The following ABLIM2 variants were observed in gnomAD, a reference collection of about 807,000 sequenced individuals.
ABLIM2 encodes actin binding LIM protein family member 2.
Under a neutral mutation model 97.7 loss-of-function variants are expected in ABLIM2, and 53 were observed. The ratio of observed to expected loss-of-function variants is 0.54; its 90% CI spans 0.44 to 0.68. The LOEUF (loss-of-function observed/expected upper bound fraction) is 0.68, where lower values mean the gene tolerates loss of function less well. ABLIM2 is among the 30% of genes least tolerant of loss of function. The probability of loss-of-function intolerance (pLI) is 0.00; values close to 1 mark genes in which losing one functional copy is unlikely to be tolerated. For synonymous variants in ABLIM2, 361 were observed against 345.8 expected (o/e 1.04, Z -0.49); for missense variants, 835 against 867.2 (o/e 0.96, Z 0.47).
intron 2 of ABLIM2, among the ~76,000 whole-genome samples, chr4:8,105,892 C>A (rs55938764): frequency 6.6e-6 from 1 of 151,986 alleles, no homozygotes. Flanking sequence ...AGACTCGGCA[C>A]AGGCCATCTC....
intron 20 of ABLIM2, among the ~76,000 whole-genome samples, chr4:7,976,197 G>C (rs1210804859): frequency 1.3e-5 from 2 of 152,144 alleles, no homozygotes; most frequent in African/African-American, 4.8e-5. Context: ...AGAGCATCTG[G>C]CTGGGTGTCA....
At position 7,966,976 on chromosome 4, in the gene ABLIM2, C is replaced by G. The variant is rs775384626; in HGVS notation, c.*14G>C. The G allele has an allele frequency of 1.3e-6, 2 of 1,593,038 alleles. No homozygotes were observed. Among genetic ancestry groups the G allele is most frequent in the Non-Finnish European group, 1.7e-6 (2 of 1,167,892 alleles). On this transcript the variant is annotated 3_prime_UTR_variant, in exon 21 of 21. Coordinates refer to ENST00000447017, the MANE Select transcript of ABLIM2 (RefSeq NM_001130083.2). ...CGGCGCCCGGCACACACCAGTGGGG[C>G]AGGCTGGCAGCCGTCAGAACAAAAG... is the stretch of plus-strand genomic sequence containing the variant.
intron 17 of ABLIM2, among the ~76,000 whole-genome samples, chr4:7,991,331 C>T (rs978009684): frequency 2.0e-5 from 3 of 152,250 alleles, no homozygotes; most frequent in African/African-American, 4.8e-5. Flanking sequence ...GTGCTGCTCT[C>T]TCGCTTTCCT....
intron 1 of ABLIM2, among the ~76,000 whole-genome samples, chr4:8,116,750 C>T (rs568690914): frequency 1.7e-4 from 26 of 152,154 alleles, no homozygotes; most frequent in Admixed American, 5.9e-4. Flanking sequence ...GGGGTCTTCA[C>T]TCTCTGGAAG....
intron 1 of ABLIM2, among the ~76,000 whole-genome samples, chr4:8,157,466 A>G (rs1044396858): frequency 2.0e-5 from 3 of 152,060 alleles, no homozygotes; most frequent in Admixed American, 2.0e-4. Context: ...GACCTCCCCA[A>G]CCGCCTGCCA....
chr4:8,077,632 A>G lies in ABLIM2; in HGVS notation c.671T>C (p.Leu224Pro). The stretch of plus-strand genomic sequence containing the variant: ...GGCCCGGCCCGCCGCGCTTACCTCC[A>G]GCACGCGCCCCGTGATGTATTTCTC... ...SCEKYITGRV[L>P]EAGEKHYHPS... The change falls in exon 6 of 21, where the codon CTG becomes CCG. Residue 224 changes from leucine (L) to proline (P), a missense_variant. Physicochemically the swap from Leu to Pro is moderately conservative, Grantham distance 98 (BLOSUM62 -3). Transcript: ENST00000447017. The G allele has an allele frequency of 1.2e-6, 2 of 1,609,778 alleles. No homozygotes were observed. The highest frequency in any genetic ancestry group is 1.7e-6 in the Non-Finnish European group (2 of 1,177,904).
chr4:8,080,668 C>A lies in ABLIM2; in HGVS notation c.581+8G>T. On this transcript the variant is annotated splice_region_variant and intron_variant, in intron 5 of 20. Transcript: ENST00000447017. ...GGAGGCTCTCACTAGAGCCCTCCCC[C>A]CACTTACTTGCTGATGTACTCGGCA... is the stretch of plus-strand genomic sequence containing the variant. 6.3e-7 allele frequency: 1 copy of A among 1,597,330 alleles called. No individual in the cohort carries two copies. The highest frequency in any genetic ancestry group is 1.3e-5 in the African/African-American group (1 of 74,778).
At chr4:8,045,302 G>A (rs1791574983) in intron 8 of ABLIM2, 61 bp from the exon 9 acceptor site, 3 of 1,444,062 alleles carry the variant, frequency 2.1e-6, no homozygotes, top group East Asian at 4.5e-5. Context: ...CTTCAGAGGC[G>A]ACTGTCAGGA....
chr4:8,098,118 C>T (rs1577784006), intron 2 of ABLIM2, among the ~76,000 whole-genome samples: 1 of 152,168 alleles, frequency 6.6e-6, no homozygotes, highest in East Asian at 1.9e-4. Context: ...AGTGCCCAGG[C>T]CATGCATGGT....
chr4:8,109,223 G>A (rs902644410), intron 1 of ABLIM2, among the ~76,000 whole-genome samples: 1 of 152,246 alleles, frequency 6.6e-6, no homozygotes, highest in African/African-American at 2.4e-5. Context: ...AGAGCCAGGG[G>A]TGCTGCAGAT....
rs540017024 is a variant in ABLIM2 at position 7,996,281 on chromosome 4, C to T, written c.1619-3354G>A. ...TTTTTACAAGGCTTCTGGACCATTCCGATGCACACTGGCCTACTGCCTCGA... is the reference window on the plus strand; with the variant it reads ...TTTTTACAAGGCTTCTGGACCATTCTGATGCACACTGGCCTACTGCCTCGA... On this transcript the variant is annotated intron_variant, in intron 16 of 20. Transcript: ENST00000447017. This position sits in a 1 kb window ranked among gnomAD's most constrained non-coding sequence, Gnocchi z 4.5. 2.8e-4 allele frequency among the ~76,000 whole-genome samples: 42 copies of T among 152,294 alleles called. No homozygotes were observed. The highest frequency in any genetic ancestry group is 6.7e-4 in the African/African-American group (28 of 41,568).
chr4:8,104,038 G>A (rs991527152), intron 2 of ABLIM2, among the ~76,000 whole-genome samples: 1 of 152,238 alleles, frequency 6.6e-6, no homozygotes, highest in Non-Finnish European at 1.5e-5. Context: ...CTAATGAAAA[G>A]CATGAAATCC....
In ABLIM2 at chr4:8,002,038, T is replaced by A. The variant is rs1391564975; in HGVS notation, c.1618+6021A>T. 6.6e-6 allele frequency among the ~76,000 whole-genome samples: 1 copy of A among 152,168 alleles called. No individual in the cohort carries two copies. Among genetic ancestry groups the A allele is most frequent in the Admixed American group, 6.5e-5 (1 of 15,278 alleles). On this transcript the variant is annotated intron_variant, in intron 16 of 20. Coordinates refer to ENST00000447017, the MANE Select transcript of ABLIM2 (RefSeq NM_001130083.2). This position sits in a 1 kb window ranked among gnomAD's most constrained non-coding sequence, Gnocchi z 6.1. ...GGGCCAGGCAGGAGATCACACCTGA[T>A]TTGAGTCTCAGACCCTCTTGAGAAA... is the stretch of plus-strand genomic sequence containing the variant.
intron 7 of ABLIM2, among the ~76,000 whole-genome samples, chr4:8,060,437 C>T (rs545198539): frequency 1.2e-4 from 19 of 152,308 alleles, no homozygotes; most frequent in African/African-American, 4.1e-4. Flanking sequence ...ATCCTCCTTT[C>T]GTCAATGCTC....
At chr4:8,143,171 G>GA (rs1851292615) in intron 1 of ABLIM2, among the ~76,000 whole-genome samples, 1 of 127,416 alleles carries the variant, frequency 7.8e-6, no homozygotes, top group East Asian at 2.2e-4. Context: ...GGGGGGGGGG[G>GA]CGTCTGCAAA....
intron 3 of ABLIM2, among the ~76,000 whole-genome samples, chr4:8,094,872 G>C (rs906515370): frequency 4.6e-5 from 7 of 151,660 alleles, no homozygotes; most frequent in Admixed American, 3.9e-4. Flanking sequence ...AATTACTTTT[G>C]CAACAACCTA....
chr4:7,989,461 G>T, intron 17 of ABLIM2: 8 of 985,066 alleles, frequency 8.1e-6, no homozygotes, highest in Non-Finnish European at 9.6e-6. Context: ...TTGCCATGTT[G>T]CTTGGTGCAT....
chr4:8,047,627 T>C (rs910683982), intron 8 of ABLIM2, among the ~76,000 whole-genome samples: 4 of 152,244 alleles, frequency 2.6e-5, no homozygotes, highest in Non-Finnish European at 5.9e-5. Context: ...GGATCTGCTG[T>C]TCCCACTGTT....
chr4:7,966,595 A>G lies in ABLIM2; in HGVS notation c.*395T>C, dbSNP rs9995430. On this transcript the variant is annotated 3_prime_UTR_variant, in exon 21 of 21. Transcript: ENST00000447017. Reference sequence around the variant, plus strand: ...ACCCCCGATGATGGTGTCAGCAACCATCATCAACAAGCCTCACAGCTCACG... The same window carrying G: ...ACCCCCGATGATGGTGTCAGCAACCGTCATCAACAAGCCTCACAGCTCACG... 167,675 of 186,124 alleles carry G rather than the reference A, an allele frequency of 0.9. 75,820 individuals carry two copies. Among genetic ancestry groups the G allele is most frequent in the East Asian group, 1 (7,146 of 7,170 alleles). 11.5% of individuals were successfully genotyped at this position (186,124 alleles called of 1,614,324 possible).
Sources: gnomAD v4.1 joint callset for allele counts (sites outside exome capture counted in the v4.1 genomes callset) on GRCh38, gnomAD v4.1.1 for gene constraint, Gnocchi (gnomAD v3.1) non-coding constraint, MANE v1.5 for transcripts, NCBI Gene and HGNC (gene_info 2026-07-23, HGNC 2026-07-21) for gene names.